SPECC1L: variants seen among roughly 807,000 people sequenced by gnomAD.
SPECC1L encodes the protein cytospin-A.
Under a neutral mutation model 116.8 loss-of-function variants are expected in SPECC1L, and 40 were observed. The observed-to-expected ratio is 0.34, with a 90% CI of 0.27 to 0.45. The LOEUF (loss-of-function observed/expected upper bound fraction) is 0.45, where lower values mean the gene tolerates loss of function less well. Ranked by LOEUF, SPECC1L falls within the 20% of genes least tolerant of loss-of-function variation. The pLI is 1.00. For synonymous variants in SPECC1L, 504 were observed against 500.6 expected, an observed-to-expected ratio of 1.01 and a Z score of -0.09; for missense variants, 1,110 against 1,373.6, an observed-to-expected ratio of 0.81 and a Z score of 3.03.
intron 4 of SPECC1L, among the ~76,000 whole-genome samples, chr22:24,318,231 A>G (rs1198492238): frequency 3.3e-5 from 5 of 152,356 alleles, no homozygotes; most frequent in Admixed American, 3.3e-4. Context: ...CCTGGGCACC[A>G]TTGAGCAATG....
intron 4 of SPECC1L, 56 bp from the exon 5 acceptor site, chr22:24,321,232 A>G (rs1017963100): frequency 1.2e-4 from 191 of 1,595,332 alleles, no homozygotes; most frequent in Non-Finnish European, 1.5e-4. Flanking sequence ...TGTGTATTCT[A>G]TGTAGCCTTT....
At chr22:24,336,023 G>A (rs966763415) in intron 9 of SPECC1L, among the ~76,000 whole-genome samples, 3 of 151,862 alleles carry the variant, frequency 2.0e-5, no homozygotes, top group African/African-American at 7.3e-5. Flanking sequence ...TTTCAGTATA[G>A]CATTGTTTGG....
intron 3 of SPECC1L, among the ~76,000 whole-genome samples, chr22:24,311,897 G>A (rs1301054401): frequency 7.1e-6 from 1 of 141,128 alleles, no homozygotes; most frequent in African/African-American, 2.6e-5. Context: ...ATTTCATAAT[G>A]TAACAGCCCT....
chr22:24,414,409 A>G, intron 16 of SPECC1L, 125 bp from the exon 17 acceptor site: 2 of 795,876 alleles, frequency 2.5e-6, no homozygotes, highest in Admixed American at 4.0e-5. Context: ...AAAATGTGTA[A>G]TTAGGCCTAG....
chr22:24,277,007 T>C (rs574519904), intron 2 of SPECC1L, among the ~76,000 whole-genome samples: 41 of 152,366 alleles, frequency 2.7e-4, no homozygotes, highest in African/African-American at 9.9e-4. Flanking sequence ...TGATCCATTT[T>C]TTCATTGTTT....
chr22:24,361,010 T>C (rs925466889), intron 11 of SPECC1L, among the ~76,000 whole-genome samples: 2 of 152,210 alleles, frequency 1.3e-5, no homozygotes, highest in South Asian at 4.1e-4. Context: ...CTCTTTAAGC[T>C]ATATACATCC....
intron 11 of SPECC1L, among the ~76,000 whole-genome samples, chr22:24,348,511 A>G (rs2041351411): frequency 6.6e-6 from 1 of 152,152 alleles, no homozygotes; most frequent in Non-Finnish European, 1.5e-5. Flanking sequence ...CCCTGGCACA[A>G]AGATTTGCCT....
chr22:24,317,947 C>G (rs199663856), intron 4 of SPECC1L, among the ~76,000 whole-genome samples: 5,350 of 151,708 alleles, frequency 0.035, 235 homozygotes, highest in South Asian at 0.11. Flanking sequence ...AGACGCTCCT[C>G]ACTTCCTAGA....
chr22:24,313,517 G>A, intron 4 of SPECC1L, 51 bp downstream of exon 4: 1 of 1,590,476 alleles, frequency 6.3e-7, no homozygotes, highest in Non-Finnish European at 8.6e-7. Context: ...GTTTGAATGG[G>A]CATGATGCAT....
At chr22:24,383,132 T>A (rs1457768732) in intron 14 of SPECC1L, among the ~76,000 whole-genome samples, 9 of 152,226 alleles carry the variant, frequency 5.9e-5, no homozygotes, top group Non-Finnish European at 1.2e-4. Context: ...AAGAATTATG[T>A]CCTACAAATA....
intron 14 of SPECC1L, among the ~76,000 whole-genome samples, chr22:24,402,679 G>A (rs1044270740): frequency 1.3e-5 from 2 of 152,180 alleles, no homozygotes; most frequent in African/African-American, 4.8e-5. Context: ...GGCTCAGACA[G>A]GCATGAGGAA....
chr22:24,295,122 G>A (rs951892729), intron 2 of SPECC1L, among the ~76,000 whole-genome samples: 2 of 151,002 alleles, frequency 1.3e-5, no homozygotes, highest in South Asian at 4.2e-4. Flanking sequence ...TCCCAGAGCT[G>A]TGAACCCTGT....
intron 11 of SPECC1L, among the ~76,000 whole-genome samples, chr22:24,355,939 CA>C (rs2041524336): frequency 6.6e-6 from 1 of 151,934 alleles, no homozygotes; most frequent in Non-Finnish European, 1.5e-5. Context: ...GTTCTGTACA[CA>C]AGAGTTCCAT....
Position 24,363,283 on chromosome 22 carries a change from A to G in SPECC1L, c.2766A>G (p.Ser922=). ...PVQEHLLRTS[S]ASRPASLPRV... ...CAGAGCATCTGTTAAGAACATCTTCAGCCAGCCGGCCTGCTTCCCTGCCAA... is the reference window on the plus strand; with the variant it reads ...CAGAGCATCTGTTAAGAACATCTTCGGCCAGCCGGCCTGCTTCCCTGCCAA... Residue 922 remains serine, a synonymous_variant, in exon 12 of 17, where the codon TCA becomes TCG. Transcript: ENST00000314328. 6.2e-7 allele frequency: 1 copy of G among 1,614,200 alleles called. No individual in the cohort carries two copies.
At chr22:24,359,788 G>A (rs1225437148) in intron 11 of SPECC1L, among the ~76,000 whole-genome samples, 1 of 152,216 alleles carries the variant, frequency 6.6e-6, no homozygotes, top group Non-Finnish European at 1.5e-5. Flanking sequence ...GCTCTCCTTT[G>A]CCTGCATAAA....
chr22:24,413,227 AGTG>A (rs1266126237), intron 16 of SPECC1L, among the ~76,000 whole-genome samples: 2 of 152,144 alleles, frequency 1.3e-5, no homozygotes, highest in Non-Finnish European at 2.9e-5. Context: ...ACAGGACAGA[AGTG>A]TGGAAACCCG....
chr22:24,305,353 A>G (rs921362231), intron 3 of SPECC1L, among the ~76,000 whole-genome samples: 6 of 152,176 alleles, frequency 3.9e-5, no homozygotes, highest in Admixed American at 3.3e-4. Flanking sequence ...GTCCTCCCCC[A>G]AAGTAACTAC....
At chr22:24,329,075 A>G (rs912014127) in intron 7 of SPECC1L, among the ~76,000 whole-genome samples, 156 bp downstream of exon 7, 1 of 152,222 alleles carries the variant, frequency 6.6e-6, no homozygotes, top group Admixed American at 6.5e-5. Context: ...TATCATTTCA[A>G]ATTGGGATTG....
At chr22:24,279,425 C>T (rs1459136789) in intron 2 of SPECC1L, among the ~76,000 whole-genome samples, 1 of 152,156 alleles carries the variant, frequency 6.6e-6, no homozygotes, top group Non-Finnish European at 1.5e-5. Flanking sequence ...GACAAGGTTT[C>T]ACTATTTTGC....
Sources: gnomAD v4.1 joint callset for allele counts (sites outside exome capture counted in the v4.1 genomes callset) on GRCh38, gnomAD v4.1.1 for gene constraint, MANE v1.5 for transcripts, NCBI Gene and HGNC (gene_info 2026-07-23, HGNC 2026-07-21) for gene names.